MMAA: variants seen among roughly 807,000 people sequenced by gnomAD.
MMAA encodes the protein methylmalonic aciduria type A protein, mitochondrial.
MMAA carries 41 observed loss-of-function variants against 45.0 expected under a neutral mutation model. The observed-to-expected ratio is 0.91, with a 90% confidence interval of 0.71 to 1.18. The LOEUF (loss-of-function observed/expected upper bound fraction) is 1.18, where lower values mean the gene tolerates loss of function less well. Ranked by LOEUF, MMAA falls within the 50% of genes most tolerant of loss-of-function variation. The pLI, the probability that MMAA is intolerant of heterozygous loss-of-function variation, is 0.00. For missense variants in MMAA, 460 were observed against 495.7 expected, an observed-to-expected ratio of 0.93 and a Z score of 0.68; for synonymous variants, 154 against 178.2, an observed-to-expected ratio of 0.86 and a Z score of 1.08.
chr4:145,630,001 A>C (rs1734298952), intron 1 of MMAA, among the ~76,000 whole-genome samples: 1 of 152,150 alleles, frequency 6.6e-6, no homozygotes, highest in South Asian at 2.1e-4. Context: ...TTTGGGTATC[A>C]GAGTAATACT....
chr4:145,635,699 T>C (rs1727591088), intron 1 of MMAA, among the ~76,000 whole-genome samples: 1 of 152,206 alleles, frequency 6.6e-6, no homozygotes, highest in African/African-American at 2.4e-5. Context: ...AGACTACATA[T>C]GACAACATCT....
At position 145,625,133 on chromosome 4, in the gene MMAA, C is replaced by A. The variant is rs746051298; in HGVS notation, c.-66+5726C>A. 3.3e-6 allele frequency: 4 copies of A among 1,202,858 alleles called. No individual in the cohort carries two copies. The Admixed American group carries it at 6.8e-5, about 21-fold the overall frequency. 74.5% of individuals were successfully genotyped at this position (1,202,858 alleles called of 1,614,324 possible). A position where few individuals can be genotyped will look rare whatever the true frequency, so the allele number is the denominator to read the frequency against. On this transcript the variant is annotated intron_variant, in intron 1 of 6. Transcript: ENST00000649156. ...CCAATCTGATAGGTTCATCTCATCT[C>A]GATCAGGAAGCTCTAGATCTTCAAC...
intron 1 of MMAA, among the ~76,000 whole-genome samples, chr4:145,633,598 A>G (rs572364260): frequency 1.3e-5 from 2 of 152,202 alleles, no homozygotes; most frequent in Middle Eastern, 6.8e-3. Context: ...CTGGTGCCTT[A>G]TTTAGTTTAT....
At chr4:145,644,504 T>C (rs1727875502) in intron 3 of MMAA, among the ~76,000 whole-genome samples, 1 of 152,206 alleles carries the variant, frequency 6.6e-6, no homozygotes, top group African/African-American at 2.4e-5. Context: ...GGAAAATGAA[T>C]ATTCAGATTA....
rs1028242868 is a variant in MMAA at position 145,658,522 on chromosome 4, T to C, written c.*3088T>C. ...ATTAAAATGATGACAGTTATTTCAATAGTTGACAGTAGCTATCCCAATACA... is the reference window on the plus strand; with the variant it reads ...ATTAAAATGATGACAGTTATTTCAACAGTTGACAGTAGCTATCCCAATACA... On this transcript the variant is annotated 3_prime_UTR_variant, in exon 7 of 7. Coordinates refer to ENST00000649156, the MANE Select transcript of MMAA (RefSeq NM_172250.3). 6.6e-6 allele frequency: 1 copy of C among 152,154 alleles called. No homozygotes were observed. Among genetic ancestry groups the C allele is most frequent in the African/African-American group, 2.4e-5 (1 of 41,438 alleles). 9.4% of individuals were successfully genotyped at this position (152,154 alleles called of 1,614,324 possible).
chr4:145,635,469 T>G (rs112307347), intron 1 of MMAA, among the ~76,000 whole-genome samples: 223 of 152,272 alleles, frequency 1.5e-3, no homozygotes, highest in African/African-American at 4.9e-3. Context: ...TGTTGGGGAT[T>G]CAAAACAGTT....
At chr4:145,637,800 A>G (rs1002048755) in intron 1 of MMAA, among the ~76,000 whole-genome samples, 1 of 152,212 alleles carries the variant, frequency 6.6e-6, no homozygotes, top group African/African-American at 2.4e-5. Context: ...AGGTTAATTG[A>G]GCTCTTACTG....
At chr4:145,640,175 C>T (rs192819761) in intron 2 of MMAA, among the ~76,000 whole-genome samples, 47 of 151,702 alleles carry the variant, frequency 3.1e-4, no homozygotes, top group African/African-American at 8.7e-4. Flanking sequence ...GGCGCGATCT[C>T]GGCTCACTGC....
At position 145,656,657 on chromosome 4, in the gene MMAA, A is replaced by G. The variant is rs1208099169; in HGVS notation, c.*1223A>G. 2.0e-5 allele frequency: 3 copies of G among 152,184 alleles called. No homozygotes were observed. Among genetic ancestry groups the G allele is most frequent in the Non-Finnish European group, 4.4e-5 (3 of 68,010 alleles). The allele number at this position is 152,184 out of a possible 1,614,324, so 9.4% of individuals were successfully genotyped here. A position where few individuals can be genotyped will look rare whatever the true frequency, so the allele number is the denominator to read the frequency against. On this transcript the variant is annotated 3_prime_UTR_variant, in exon 7 of 7. Transcript: ENST00000649156. ...AGTTAATTCTTTGAATATGTTTTAT[A>G]CTTATTTGATGGTAGTTGTAACTGT...
intron 1 of MMAA, among the ~76,000 whole-genome samples, chr4:145,637,457 C>T (rs984009065): frequency 2.6e-5 from 4 of 151,898 alleles, no homozygotes; most frequent in South Asian, 2.1e-4. Context: ...CCCACCCCAC[C>T]GCCCCATAGA....
intron 1 of MMAA, among the ~76,000 whole-genome samples, chr4:145,628,973 T>C (rs1734263508): frequency 6.6e-6 from 1 of 152,204 alleles, no homozygotes; most frequent in African/African-American, 2.4e-5. Context: ...TGAATCCTTT[T>C]TTTAGTAATC....
chr4:145,624,322 G>T (rs577057511), intron 1 of MMAA: 1 of 789,666 alleles, frequency 1.3e-6, no homozygotes, highest in South Asian at 1.3e-5. Context: ...TTCTTTCGAA[G>T]CAGTCACTTG....
intron 1 of MMAA, chr4:145,625,838 A>G (rs1037515401): frequency 2.4e-6 from 3 of 1,247,588 alleles, no homozygotes; most frequent in Non-Finnish European, 2.4e-6. Context: ...GTCACACCTC[A>G]TGGCTTCTAA....
In MMAA at chr4:145,658,838, CTA is replaced by C. The variant is rs1374941899; in HGVS notation, c.*3408_*3409del. On this transcript the variant is annotated 3_prime_UTR_variant, in exon 7 of 7. Transcript: ENST00000649156. Reference sequence around the variant, plus strand: ...TGAAGACAGAAGTAACTCCTGTGATCTATATGTTTGTGCAGATGGTGGAGCTT... The same window carrying C: ...TGAAGACAGAAGTAACTCCTGTGATCTATGTTTGTGCAGATGGTGGAGCTT... 1.3e-5 allele frequency: 2 copies of C among 152,206 alleles called. No homozygotes were observed. The highest frequency in any genetic ancestry group is 3.8e-4 in the East Asian group (2 of 5,204). The allele number at this position is 152,206 out of a possible 1,614,324, so 9.4% of individuals were successfully genotyped here. A position where few individuals can be genotyped will look rare whatever the true frequency, so the allele number is the denominator to read the frequency against.
At chr4:145,620,344 T>C (rs1734064617) in intron 1 of MMAA, among the ~76,000 whole-genome samples, 1 of 152,202 alleles carries the variant, frequency 6.6e-6, no homozygotes, top group African/African-American at 2.4e-5. Context: ...ATTTGAGATA[T>C]TTGAAGATGT....
chr4:145,639,861 C>T (rs1727733333), intron 2 of MMAA: 1 of 979,834 alleles, frequency 1.0e-6, no homozygotes. Context: ...ATAGGAAGAA[C>T]TACTAGTGAG....
At chr4:145,644,084 T>G (rs1055161756) in intron 3 of MMAA, among the ~76,000 whole-genome samples, 1 of 152,196 alleles carries the variant, frequency 6.6e-6, no homozygotes, top group Non-Finnish European at 1.5e-5. Flanking sequence ...AGTTTTTTGG[T>G]CTATAGTCAA....
chr4:145,624,142 A>G, intron 1 of MMAA: 1 of 1,127,778 alleles, frequency 8.9e-7, no homozygotes, highest in Non-Finnish European at 1.4e-6. Flanking sequence ...AAGGCTGCTC[A>G]ACTCTTGTCC....
chr4:145,626,968 G>GT (rs1379066889), intron 1 of MMAA, among the ~76,000 whole-genome samples: 2 of 152,188 alleles, frequency 1.3e-5, no homozygotes, highest in Admixed American at 6.5e-5. Context: ...AAGAACTGGA[G>GT]TAAGATGGTA....
Sources: gnomAD v4.1 joint callset for allele counts (sites outside exome capture counted in the v4.1 genomes callset) on GRCh38, gnomAD v4.1.1 for gene constraint, MANE v1.5 for transcripts, NCBI Gene and HGNC (gene_info 2026-07-23, HGNC 2026-07-21) for gene names.